Variants in SGCA observed in about 807,000 individuals in gnomAD.
The protein encoded by SGCA is sarcoglycan alpha.
In SGCA, 34 loss-of-function variants were observed where a neutral mutation model predicts 38.1. The observed-to-expected ratio is 0.89, with a 90% CI of 0.68 to 1.19. The LOEUF is 1.19. Ranked by LOEUF, SGCA falls within the 50% of genes most tolerant of loss-of-function variation. SGCA has a pLI of 0.00. For synonymous variants in SGCA, 209 were observed against 214.6 expected, an observed-to-expected ratio of 0.97 and a Z score of 0.23; for missense variants, 476 against 524.9, an observed-to-expected ratio of 0.91 and a Z score of 0.91.
At chr17:50,166,727 T>TTG (rs1904850058) in intron 1 of SGCA, among the ~76,000 whole-genome samples, 1 of 51,398 alleles carries the variant, frequency 1.9e-5, no homozygotes, top group African/African-American at 8.3e-5. Flanking sequence ...ACACACACCC[T>TTG]CACACACACC....
At chr17:50,166,204 C>CT in intron 1 of SGCA, 127 bp downstream of exon 1, 1 of 791,450 alleles carries the variant, frequency 1.3e-6, no homozygotes, top group Non-Finnish European at 2.2e-6. Context: ...GCCAGAAGGG[C>CT]TTTGGGGTGT....
rs1395463052 is a variant in SGCA at position 50,167,655 on chromosome 17, C to T, written c.231C>T (p.Arg77=). The T allele has an allele frequency of 6.2e-7, 1 of 1,613,956 alleles. No homozygotes were observed. The highest frequency in any genetic ancestry group is 1.7e-5 in the Admixed American group (1 of 60,024). Residue 77 remains arginine, a synonymous_variant, in exon 3 of 10, where the codon CGC becomes CGT. Coordinates refer to ENST00000262018, the MANE Select transcript of SGCA (RefSeq NM_000023.4). The surrounding 1 kb of genome is among the most constrained non-coding windows in gnomAD (Gnocchi z 4.5). ...QGHPDLPRWL[R]YTQRSPHHPG... is the part of the protein sequence containing the mutation. ...ACCCAGACCTGCCCCGGTGGCTCCG[C>T]TACACCCAGCGCAGCCCCCACCACC... is the stretch of plus-strand genomic sequence containing the variant.
At chr17:50,169,857 CA>C (rs1905232767) in intron 6 of SGCA, 1 of 539,308 alleles carries the variant, frequency 1.9e-6, no homozygotes, top group Non-Finnish European at 3.4e-6. Context: ...ACTGTCCCAT[CA>C]ACATATTTTA....
At position 50,167,571 on chromosome 17, in the gene SGCA, G is replaced by A. The variant is rs140261054; in HGVS notation, c.158-11G>A. ...GCTGTGACTCGAATCCCCTCTCCTC[G>A]CTTCCACCAGCTGTCCCACCCGCTG... On this transcript the variant is annotated splice_polypyrimidine_tract_variant and intron_variant, in intron 2 of 9. Coordinates refer to ENST00000262018, the MANE Select transcript of SGCA (RefSeq NM_000023.4). The surrounding 1 kb of genome is among the most constrained non-coding windows in gnomAD (Gnocchi z 4.5). 2,934 of 1,613,292 alleles carry A rather than the reference G, an allele frequency of 1.8e-3. 3 individuals carry two copies. Among genetic ancestry groups the A allele is most frequent in the Non-Finnish European group, 2.1e-3 (2,443 of 1,179,988 alleles).
At chr17:50,169,029 G>A (rs1905156070) in intron 5 of SGCA, 63 bp from the exon 6 acceptor site, 1 of 1,493,546 alleles carries the variant, frequency 6.7e-7, no homozygotes, top group African/African-American at 1.4e-5. Context: ...ACAACCCCTG[G>A]CAGAGTGGTG....
chr17:50,166,220 C>A, intron 1 of SGCA, 143 bp downstream of exon 1: 2 of 717,642 alleles, frequency 2.8e-6, no homozygotes. Context: ...GGTGTTAATG[C>A]CATGGCCAGC....
Position 50,167,418 on chromosome 17 carries a change from C to A in SGCA, c.88C>A (p.Pro30Thr), listed in dbSNP as rs1327595249. The A allele has an allele frequency of 6.2e-7, 1 of 1,614,192 alleles. No homozygotes were observed. The highest frequency in any genetic ancestry group is 1.7e-5 in the Admixed American group (1 of 60,030). Residue 30 changes from proline (P) to threonine (T), a missense_variant, in exon 2 of 10, where the codon CCA becomes ACA. Physicochemically the swap from Pro to Thr is conservative, Grantham distance 38 (BLOSUM62 -1). Coordinates refer to ENST00000262018, the MANE Select transcript of SGCA (RefSeq NM_000023.4). The surrounding 1 kb of genome is among the most constrained non-coding windows in gnomAD (Gnocchi z 4.5). Reference protein sequence around the residue: ...DTEAQQTTLHPLVGRVFVHTL... With the variant: ...DTEAQQTTLHTLVGRVFVHTL... ...CGAGGCCCAGCAGACCACGCTACAC[C>A]CACTTGTGGGCCGTGTCTTTGTGCA...
chr17:50,168,360 C>T lies in SGCA; in HGVS notation c.386-14C>T. On this transcript the variant is annotated splice_polypyrimidine_tract_variant and intron_variant, in intron 4 of 9. Transcript: ENST00000262018. ...GGCTGGGTGCAGCCTGAGGTGTCCA[C>T]CTGGCCTTCCCAGGCCCCCTGCTGC... 6.4e-7 allele frequency: 1 copy of T among 1,558,522 alleles called. No individual in the cohort carries two copies. The highest frequency in any genetic ancestry group is 8.7e-7 in the Non-Finnish European group (1 of 1,151,930).
At position 50,168,019 on chromosome 17, in the gene SGCA, G is replaced by T; in HGVS notation, c.385G>T (p.Gly129Cys). ...RLVLEIGDPE[G>C]PLLPYQAEFL... is the part of the protein sequence containing the mutation. Reference sequence around the variant, plus strand: ...GGTGCTGGAGATTGGGGACCCAGAAGGTACCTCTAGCTGTGCCCCATCCCT... The same window carrying T: ...GGTGCTGGAGATTGGGGACCCAGAATGTACCTCTAGCTGTGCCCCATCCCT... Residue 129 changes from glycine (G) to cysteine (C), a missense_variant and splice_region_variant, in exon 4 of 10, where the codon GGC becomes TGC. By Grantham distance (159) the Gly-to-Cys change is radical. Transcript: ENST00000262018. 6.2e-7 allele frequency: 1 copy of T among 1,613,268 alleles called. No individual in the cohort carries two copies. Among genetic ancestry groups the T allele is most frequent in the Non-Finnish European group, 8.5e-7 (1 of 1,179,196 alleles).
rs200626376 is a variant in SGCA at position 50,166,087 on chromosome 17, G to T, written c.37+10G>T. On this transcript the variant is annotated intron_variant, in intron 1 of 9. Coordinates refer to ENST00000262018, the MANE Select transcript of SGCA (RefSeq NM_000023.4). Reference sequence around the variant, plus strand: ...ACTCCTCTCCTCGTGGGCAAGTTGGGGCCTTGTTCAGCGGGGAGGCCCAGG... The same window carrying T: ...ACTCCTCTCCTCGTGGGCAAGTTGGTGCCTTGTTCAGCGGGGAGGCCCAGG... The T allele has an allele frequency of 2.7e-5, 44 of 1,612,532 alleles. No homozygotes were observed. In the African/African-American group the frequency reaches 5.1e-4, roughly 19 times the overall value.
At chr17:50,174,677 C>T (rs2586479) in intron 8 of SGCA, among the ~76,000 whole-genome samples, 1 of 152,024 alleles carries the variant, frequency 6.6e-6, no homozygotes, top group Non-Finnish European at 1.5e-5. Context: ...TCCATTTGGC[C>T]GTTGAGCAAA....
chr17:50,170,529 CAGG>C, intron 7 of SGCA, 108 bp from the exon 8 acceptor site: 1 of 1,383,058 alleles, frequency 7.2e-7, no homozygotes, highest in Non-Finnish European at 1.0e-6. Flanking sequence ...GGCCTGGCAC[CAGG>C]AGGGCATTGT....
intron 8 of SGCA, among the ~76,000 whole-genome samples, chr17:50,170,896 C>CA (rs892800300): frequency 6.6e-6 from 1 of 151,406 alleles, no homozygotes; most frequent in African/African-American, 2.4e-5. Context: ...CCCATCTCAA[C>CA]AAAAAAAAAA....
rs1567739339 is a variant in SGCA at position 50,167,660 on chromosome 17, C to CA, written c.236_237insA (p.Gln80ProfsTer25). 1 of 1,613,900 alleles carries CA rather than the reference C, an allele frequency of 6.2e-7. No individual in the cohort carries two copies. Among genetic ancestry groups the CA allele is most frequent in the Non-Finnish European group, 8.5e-7 (1 of 1,179,942 alleles). On this transcript the variant is annotated frameshift_variant, in exon 3 of 10. Transcript: ENST00000262018. LOFTEE classifies it high-confidence loss of function. The surrounding 1 kb of genome is among the most constrained non-coding windows in gnomAD (Gnocchi z 4.5). The stretch of plus-strand genomic sequence containing the variant: ...GACCTGCCCCGGTGGCTCCGCTACA[C>CA]CCAGCGCAGCCCCCACCACCCTGGC...
rs1905861368 is a variant in SGCA at position 50,175,432 on chromosome 17, C to T, written c.1159C>T (p.His387Tyr). ...SAQVPLILDQH is the reference protein window; with the variant it reads ...SAQVPLILDQY Reference sequence around the variant, plus strand: ...CCAGGTGCCCCTCATTCTGGACCAGCACTGACAGCCTAGCCAGGTAGGTCT... The same window carrying T: ...CCAGGTGCCCCTCATTCTGGACCAGTACTGACAGCCTAGCCAGGTAGGTCT... Residue 387 changes from histidine to tyrosine, a missense_variant, in exon 9 of 10, where the codon CAC becomes TAC. By Grantham distance (83) the His-to-Tyr change is moderately conservative. Coordinates refer to ENST00000262018, the MANE Select transcript of SGCA (RefSeq NM_000023.4). The T allele has an allele frequency of 1.2e-6, 2 of 1,612,928 alleles. No individual in the cohort carries two copies. Among genetic ancestry groups the T allele is most frequent in the Non-Finnish European group, 1.7e-6 (2 of 1,179,910 alleles).
In SGCA at chr17:50,175,337, G is replaced by A. The variant is rs1270625423; in HGVS notation, c.1064G>A (p.Arg355Gln). 9.3e-6 allele frequency: 15 copies of A among 1,611,094 alleles called. No homozygotes were observed. The highest frequency in any genetic ancestry group is 3.3e-4 in the Middle Eastern group (2 of 6,048). ...RQMAASREVP[R>Q]PLSTLPMFNV... ...ATGGCGGCCAGCCGCGAGGTGCCCC[G>A]GCCACTCTCCACCCTGCCCATGTTC... The change falls in exon 9 of 10, where the codon CGG (arginine) becomes CAG (glutamine). Residue 355 changes from arginine to glutamine, a missense_variant. Coordinates refer to ENST00000262018, the MANE Select transcript of SGCA (RefSeq NM_000023.4).
intron 5 of SGCA, 124 bp from the exon 6 acceptor site, chr17:50,168,968 C>A: frequency 1.2e-6 from 1 of 864,824 alleles, no homozygotes; most frequent in Non-Finnish European, 1.9e-6. Flanking sequence ...CCCTCTTAGG[C>A]GTCTCCCTCA....
intron 8 of SGCA, among the ~76,000 whole-genome samples, chr17:50,171,043 G>A (rs1905348369): frequency 6.6e-6 from 1 of 152,202 alleles, no homozygotes; most frequent in Non-Finnish European, 1.5e-5. Flanking sequence ...CAGCCTGGGC[G>A]ACAGAGTGAA....
Position 50,175,708 on chromosome 17 carries a change from A to G in SGCA, c.*13-4A>G. On this transcript the variant is annotated splice_polypyrimidine_tract_variant and splice_region_variant and intron_variant, in intron 9 of 9. Coordinates refer to ENST00000262018, the MANE Select transcript of SGCA (RefSeq NM_000023.4). Reference sequence around the variant, plus strand: ...TCTCAGCCCTCCACTCTCTCTTCCCACAGTGGTTCCAGGTCCAGCCCTGAC... The same window carrying G: ...TCTCAGCCCTCCACTCTCTCTTCCCGCAGTGGTTCCAGGTCCAGCCCTGAC... 1.6e-6 allele frequency: 1 copy of G among 639,536 alleles called. No individual in the cohort carries two copies. Among genetic ancestry groups the G allele is most frequent in the East Asian group, 3.1e-5 (1 of 31,756 alleles). The allele number at this position is 639,536 out of a possible 1,614,324, so 39.6% of individuals were successfully genotyped here.
Sources: allele counts gnomAD v4.1 joint callset (sites outside exome capture counted in the v4.1 genomes callset), GRCh38; gene constraint gnomAD v4.1.1; non-coding constraint Gnocchi (gnomAD v3.1); transcripts MANE v1.5; gene names NCBI Gene and HGNC (gene_info 2026-07-23, HGNC 2026-07-21).